The following AGO1 variants were observed in gnomAD, a reference collection of about 807,000 sequenced individuals.
The protein encoded by AGO1 is argonaute RISC component 1, also known as protein argonaute-1.
A neutral mutation model predicts 109.2 loss-of-function variants in AGO1; 11 were observed. That is an observed-to-expected ratio of 0.10 (90% CI 0.06 to 0.17). The LOEUF (loss-of-function observed/expected upper bound fraction) is 0.17, where lower values mean the gene tolerates loss of function less well. AGO1 is among the 10% of genes least tolerant of loss of function. The probability of loss-of-function intolerance (pLI) is 1.00; values close to 1 mark genes in which losing one functional copy is unlikely to be tolerated. For missense variants in AGO1, 574 were observed against 1,140.3 expected, an observed-to-expected ratio of 0.50 and a Z score of 7.15; for synonymous variants, 422 against 418.6, an observed-to-expected ratio of 1.01 and a Z score of -0.10.
intron 8 of AGO1, among the ~76,000 whole-genome samples, chr1:35,899,178 C>A (rs952647814): frequency 1.3e-5 from 2 of 152,212 alleles, no homozygotes; most frequent in Non-Finnish European, 2.9e-5. Context: ...TCACTTAACA[C>A]AATGTCTTCA....
chr1:35,871,122 C>T (rs1041918093), intron 1 of AGO1, among the ~76,000 whole-genome samples: 1 of 152,194 alleles, frequency 6.6e-6, no homozygotes, highest in East Asian at 1.9e-4. Flanking sequence ...ACGTCTTCAA[C>T]TTTACCAAAG....
rs34460002 is a variant in AGO1 at position 35,916,029 on chromosome 1, A to ATT, written c.2028+498_2028+499dup. Among the ~76,000 whole-genome samples, 13 of 146,254 alleles carry ATT rather than the reference A, an allele frequency of 8.9e-5. No homozygotes were observed. In the East Asian group the frequency reaches 9.8e-4, roughly 11 times the overall value. Reference sequence around the variant, plus strand: ...CTATTCATTCTCACTGCCAGCCTTCATTTTTTTTTTTTAACTTCTATCCTG... The same window carrying ATT: ...CTATTCATTCTCACTGCCAGCCTTCATTTTTTTTTTTTTTAACTTCTATCCTG... On this transcript the variant is annotated intron_variant, in intron 15 of 18. Transcript: ENST00000373204.
intron 12 of AGO1, among the ~76,000 whole-genome samples, chr1:35,907,432 C>T (rs907191617): frequency 3.3e-5 from 5 of 151,978 alleles, no homozygotes; most frequent in African/African-American, 1.2e-4. Flanking sequence ...CGTTCCTGTC[C>T]TCAGGAGTGC....
chr1:35,929,543 C>T lies in AGO1; in HGVS notation c.*9936C>T, dbSNP rs1158659180. 6.6e-6 allele frequency: 1 copy of T among 152,220 alleles called. No homozygotes were observed. Among genetic ancestry groups the T allele is most frequent in the African/African-American group, 2.4e-5 (1 of 41,460 alleles). 9.4% of individuals were successfully genotyped at this position (152,220 alleles called of 1,614,324 possible). ...CCTTGCACAAGAGTTGGTATTTACC[C>T]TGTCAGATGCTGCTACCAAGATTTG... On this transcript the variant is annotated 3_prime_UTR_variant, in exon 19 of 19. Coordinates refer to ENST00000373204, the MANE Select transcript of AGO1 (RefSeq NM_012199.5).
intron 1 of AGO1, among the ~76,000 whole-genome samples, chr1:35,886,685 A>C (rs1441694297): frequency 6.6e-6 from 1 of 151,974 alleles, no homozygotes; most frequent in East Asian, 1.9e-4. Context: ...AAACGTGCAT[A>C]TTTGTCTTGT....
At chr1:35,912,714 C>T (rs1404814767) in intron 12 of AGO1, among the ~76,000 whole-genome samples, 4 of 152,012 alleles carry the variant, frequency 2.6e-5, no homozygotes, top group African/African-American at 9.7e-5. Context: ...GCTGGGATTA[C>T]AGGCACATGC....
At position 35,920,513 on chromosome 1, in the gene AGO1, C is replaced by T. The variant is rs1645812500; in HGVS notation, c.*906C>T. ...CCCAACAAACCTCCAGCCAGAAAGC[C>T]AGCTATTTTGCATTTGAAGGAATTG... On this transcript the variant is annotated 3_prime_UTR_variant, in exon 19 of 19. Transcript: ENST00000373204. The T allele has an allele frequency of 6.6e-6, 1 of 152,574 alleles. No individual in the cohort carries two copies. The highest frequency in any genetic ancestry group is 2.4e-5 in the African/African-American group (1 of 41,436). The allele number at this position is 152,574 out of a possible 1,614,324, so 9.5% of individuals were successfully genotyped here. A position where few individuals can be genotyped will look rare whatever the true frequency, so the allele number is the denominator to read the frequency against.
At position 35,907,068 on chromosome 1, in the gene AGO1, T is replaced by G. The variant is rs1645535695; in HGVS notation, c.1531T>G (p.Ser511Ala). ...PMFRHLKNTY[S>A]GLQLIIVILP... ...GTTCCGGCATCTCAAGAACACCTAC[T>G]CAGGGCTGCAGCTCATTATTGTCAT... Residue 511 changes from serine (S) to alanine (A), a missense_variant, in exon 12 of 19, where the codon TCA becomes GCA. Physicochemically the swap from Ser to Ala is moderately conservative, Grantham distance 99 (BLOSUM62 1). This residue lies in a region of AGO1 where 68 missense variants were observed against 200.2 expected (regional missense o/e 0.34). Transcript: ENST00000373204. The G allele has an allele frequency of 6.2e-7, 1 of 1,613,930 alleles. No individual in the cohort carries two copies. Among genetic ancestry groups the G allele is most frequent in the African/African-American group, 1.3e-5 (1 of 74,886 alleles).
At chr1:35,904,978 C>G (rs940912662) in intron 11 of AGO1, among the ~76,000 whole-genome samples, 5 of 152,064 alleles carry the variant, frequency 3.3e-5, no homozygotes, top group Non-Finnish European at 4.4e-5. Context: ...TGAGAGAGTT[C>G]TAGACGCAAC....
At position 35,930,080 on chromosome 1, in the gene AGO1, T is replaced by C. The variant is rs895865063; in HGVS notation, c.*10473T>C. ...GAATGATTCCTCAGCCTGAATAAAA[T>C]AGTATGTTTCATTAAGGCAACAAAT... On this transcript the variant is annotated 3_prime_UTR_variant, in exon 19 of 19. Coordinates refer to ENST00000373204, the MANE Select transcript of AGO1 (RefSeq NM_012199.5). 1 of 152,116 alleles carries C rather than the reference T, an allele frequency of 6.6e-6. No individual in the cohort carries two copies. The highest frequency in any genetic ancestry group is 2.4e-5 in the African/African-American group (1 of 41,414). The allele number at this position is 152,116 out of a possible 1,614,324, so 9.4% of individuals were successfully genotyped here.
At chr1:35,905,164 C>T (rs952460021) in intron 11 of AGO1, among the ~76,000 whole-genome samples, 11 of 152,122 alleles carry the variant, frequency 7.2e-5, no homozygotes, top group African/African-American at 1.9e-4. Flanking sequence ...TAACGTCTTT[C>T]CTTGAAGTTG....
chr1:35,913,105 C>G (rs1411764231), intron 12 of AGO1, among the ~76,000 whole-genome samples: 1 of 151,274 alleles, frequency 6.6e-6, no homozygotes, highest in Non-Finnish European at 1.5e-5. Flanking sequence ...CTACAAGCTC[C>G]ACCTCCCGGG....
chr1:35,912,631 G>A (rs1392495552), intron 12 of AGO1, among the ~76,000 whole-genome samples: 1 of 151,950 alleles, frequency 6.6e-6, no homozygotes, highest in African/African-American at 2.4e-5. Context: ...GTAGTGCAGT[G>A]GGTGTGATCT....
rs372555392 is a variant in AGO1, at chr1:35,894,361, C to T, written c.831C>T (p.Tyr277=). 4.3e-6 allele frequency: 7 copies of T among 1,614,030 alleles called. No homozygotes were observed. In the African/African-American group the frequency reaches 9.3e-5, roughly 22 times the overall value. Residue 277 remains tyrosine, a synonymous_variant, in exon 7 of 19, where the codon TAC becomes TAT. Transcript: ENST00000373204. ...ACTGTGGACAGATGAAGAGGAAGTA[C>T]CGCGTGTGTAATGTTACCCGTCGCC... ...VTHCGQMKRK[Y]RVCNVTRRPA...
intron 15 of AGO1, among the ~76,000 whole-genome samples, 177 bp downstream of exon 15, chr1:35,915,719 G>C (rs563024500): frequency 6.6e-6 from 1 of 152,344 alleles, no homozygotes; most frequent in South Asian, 2.1e-4. Flanking sequence ...AGCATCTGTA[G>C]ATTTTTCTTC....
At chr1:35,900,866 C>A (rs1381848178) in intron 8 of AGO1, among the ~76,000 whole-genome samples, 1 of 152,066 alleles carries the variant, frequency 6.6e-6, no homozygotes. Flanking sequence ...CGAGATTGTG[C>A]CACTGCACTC....
intron 11 of AGO1, among the ~76,000 whole-genome samples, 162 bp downstream of exon 11, chr1:35,902,499 C>T (rs1465734922): frequency 6.6e-6 from 1 of 152,114 alleles, no homozygotes; most frequent in African/African-American, 2.4e-5. Context: ...TTTTTCTATC[C>T]ATCTGTGATC....
At position 35,920,210 on chromosome 1, in the gene AGO1, C is replaced by G. The variant is rs1450110270; in HGVS notation, c.*603C>G. ...TTTAATGGTTTTGGTTGCTCCTCCCCCAGCTGCCACCCCCCACCTTACCCT... is the reference window on the plus strand; with the variant it reads ...TTTAATGGTTTTGGTTGCTCCTCCCGCAGCTGCCACCCCCCACCTTACCCT... On this transcript the variant is annotated 3_prime_UTR_variant, in exon 19 of 19. Coordinates refer to ENST00000373204, the MANE Select transcript of AGO1 (RefSeq NM_012199.5). 1.3e-5 allele frequency: 2 copies of G among 152,360 alleles called. No individual in the cohort carries two copies. Among genetic ancestry groups the G allele is most frequent in the Non-Finnish European group, 2.9e-5 (2 of 68,086 alleles). 9.4% of individuals were successfully genotyped at this position (152,360 alleles called of 1,614,324 possible). A position where few individuals can be genotyped will look rare whatever the true frequency, so the allele number is the denominator to read the frequency against.
In AGO1 at chr1:35,901,743, C is replaced by A; in HGVS notation, c.1140+150C>A. On this transcript the variant is annotated intron_variant, in intron 9 of 18. Transcript: ENST00000373204. The surrounding 1 kb of genome is among the most constrained non-coding windows in gnomAD (Gnocchi z 4.8). ...CTGCTTTTGCTTCTTGACCGTATAGCTACTTTGCTTTCTGTCTCTTTTTCT... is the reference window on the plus strand; with the variant it reads ...CTGCTTTTGCTTCTTGACCGTATAGATACTTTGCTTTCTGTCTCTTTTTCT... 1 of 1,373,898 alleles carries A rather than the reference C, an allele frequency of 7.3e-7. No individual in the cohort carries two copies. The highest frequency in any genetic ancestry group is 9.9e-7 in the Non-Finnish European group (1 of 1,007,690). 85.1% of individuals were successfully genotyped at this position (1,373,898 alleles called of 1,614,324 possible). A position where few individuals can be genotyped will look rare whatever the true frequency, so the allele number is the denominator to read the frequency against.
Sources: gnomAD v4.1 joint callset for allele counts (sites outside exome capture counted in the v4.1 genomes callset) on GRCh38, gnomAD v4.1.1 for gene constraint, gnomAD v4.1.1 regional missense constraint, Gnocchi (gnomAD v3.1) non-coding constraint, MANE v1.5 for transcripts, NCBI Gene and HGNC (gene_info 2026-07-23, HGNC 2026-07-21) for gene names.